The following VTI1A variants were observed in gnomAD, a reference collection of about 807,000 sequenced individuals.
VTI1A encodes the protein vesicle transport through interaction with t-SNAREs homolog 1A.
Under a neutral mutation model 34.9 loss-of-function variants are expected in VTI1A, and 22 were observed. That is an observed-to-expected ratio of 0.63 (90% CI 0.45 to 0.90). VTI1A has a LOEUF of 0.90. VTI1A is among the 40% of genes least tolerant of loss of function. The pLI is 0.00. For missense variants in VTI1A, 268 were observed against 275.6 expected (o/e 0.97, Z 0.20); for synonymous variants, 87 against 97.3 (o/e 0.89, Z 0.62).
At chr10:112,466,347 G>A (rs112974383) in intron 3 of VTI1A, among the ~76,000 whole-genome samples, 9 of 152,176 alleles carry the variant, frequency 5.9e-5, no homozygotes, top group African/African-American at 2.2e-4. Context: ...TATGTGAATG[G>A]CTACTATCTT....
the VTI1A span, chr10:112,827,615 T>A: frequency 1.3e-5 from 2 of 152,226 alleles, no homozygotes; most frequent in Non-Finnish European, 2.9e-5. Context: ...TTTCATGAGA[T>A]TTCTTGGAAA....
At chr10:112,515,125 T>G (rs1465108306) in intron 3 of VTI1A, among the ~76,000 whole-genome samples, 2 of 152,064 alleles carry the variant, frequency 1.3e-5, no homozygotes, top group Non-Finnish European at 2.9e-5. Flanking sequence ...CCTTACTTAT[T>G]TTCTGTTTCA....
intron 3 of VTI1A, 150 bp from the exon 4 acceptor site, chr10:112,526,937 C>G: frequency 1.7e-6 from 1 of 593,506 alleles, no homozygotes; most frequent in Non-Finnish European, 2.9e-6. Flanking sequence ...AGTTCAGGAA[C>G]TTTACACAAC....
In VTI1A at chr10:112,657,829, G is replaced by GTA. The variant is rs1464009561; in HGVS notation, c.428-10381_428-10380dup. 1.2e-3 allele frequency among the ~76,000 whole-genome samples: 185 copies of GTA among 152,044 alleles called. 1 individual carries two copies. Among genetic ancestry groups the GTA allele is most frequent in the African/African-American group, 4.1e-3 (168 of 41,436 alleles). ...TGTGTGTGTGTGTGTGTTTGTGTGT[G>GTA]TATATATATGCCTTAAAACAGAACA... On this transcript the variant is annotated intron_variant, in intron 5 of 7. Coordinates refer to ENST00000393077, the MANE Select transcript of VTI1A (RefSeq NM_145206.4).
rs780886012 is a variant in VTI1A at position 112,668,933 on chromosome 10, G to A, written c.499-4G>A. 3.7e-6 allele frequency: 6 copies of A among 1,611,964 alleles called. 1 individual carries two copies. The South Asian group carries it at 4.4e-5, about 12-fold the overall frequency. Reference sequence around the variant, plus strand: ...CTTCTGTTTTGTTTTGTTTCTTCTTGTAGCTTCGGGAAACAGATGCTAATT... The same window carrying A: ...CTTCTGTTTTGTTTTGTTTCTTCTTATAGCTTCGGGAAACAGATGCTAATT... On this transcript the variant is annotated splice_polypyrimidine_tract_variant and splice_region_variant and intron_variant, in intron 6 of 7. Coordinates refer to ENST00000393077, the MANE Select transcript of VTI1A (RefSeq NM_145206.4).
intron 7 of VTI1A, among the ~76,000 whole-genome samples, chr10:112,814,967 C>A (rs1425781285): frequency 6.6e-6 from 1 of 151,822 alleles, no homozygotes; most frequent in Admixed American, 6.6e-5. Flanking sequence ...GCAAGGGGCC[C>A]TTGATCACTT....
chr10:112,751,486 A>AG (rs1851105374), intron 7 of VTI1A, among the ~76,000 whole-genome samples: 1 of 151,684 alleles, frequency 6.6e-6, no homozygotes, highest in Non-Finnish European at 1.5e-5. Context: ...AAAAAAAAAA[A>AG]AAAAAAAAAA....
intron 7 of VTI1A, among the ~76,000 whole-genome samples, chr10:112,789,330 T>TC (rs910302762): frequency 2.0e-5 from 3 of 152,180 alleles, no homozygotes; most frequent in African/African-American, 7.2e-5. Flanking sequence ...GGTTGATAAG[T>TC]CCCCCACCTC....
intron 5 of VTI1A, among the ~76,000 whole-genome samples, chr10:112,619,824 T>C (rs1449049689): frequency 6.6e-6 from 1 of 152,048 alleles, no homozygotes; most frequent in African/African-American, 2.4e-5. Context: ...CAAGTACATA[T>C]GTAGTGGGAT....
intron 4 of VTI1A, among the ~76,000 whole-genome samples, chr10:112,531,601 TG>T (rs1249679050): frequency 6.6e-6 from 1 of 152,212 alleles, no homozygotes; most frequent in East Asian, 1.9e-4. Context: ...GAACGTTTTT[TG>T]TTTGGAACCT....
intron 5 of VTI1A, among the ~76,000 whole-genome samples, chr10:112,587,914 G>T (rs992720445): frequency 9.0e-5 from 13 of 144,034 alleles, no homozygotes; most frequent in South Asian, 4.4e-4. Context: ...AAGAGAAGTG[G>T]TTTTTTTTTT....
At chr10:112,801,633 T>G (rs1383473264) in intron 7 of VTI1A, among the ~76,000 whole-genome samples, 1 of 152,182 alleles carries the variant, frequency 6.6e-6, no homozygotes, top group Non-Finnish European at 1.5e-5. Flanking sequence ...CTATAGTGTA[T>G]CCCCTCACCC....
At chr10:112,502,159 C>G (rs953688991) in intron 3 of VTI1A, among the ~76,000 whole-genome samples, 6 of 151,382 alleles carry the variant, frequency 4.0e-5, no homozygotes, top group Non-Finnish European at 5.9e-5. Flanking sequence ...TTTTGAGTAG[C>G]TGGGACCACA....
intron 5 of VTI1A, among the ~76,000 whole-genome samples, chr10:112,550,051 A>T (rs970332246): frequency 6.6e-6 from 1 of 152,202 alleles, no homozygotes; most frequent in Non-Finnish European, 1.5e-5. Flanking sequence ...AAGTGAATTC[A>T]TAGGGTTCAT....
At chr10:112,454,290 GA>G (rs2134018804) in intron 1 of VTI1A, among the ~76,000 whole-genome samples, 1 of 152,288 alleles carries the variant, frequency 6.6e-6, no homozygotes, top group Admixed American at 6.5e-5. Context: ...TAAATATCAA[GA>G]ATTATACTAT....
chr10:112,743,659 G>A (rs1379133629), intron 7 of VTI1A, among the ~76,000 whole-genome samples: 1 of 152,140 alleles, frequency 6.6e-6, no homozygotes, highest in Non-Finnish European at 1.5e-5. Flanking sequence ...CTGAGGTTTG[G>A]ATTTAAACTC....
intron 7 of VTI1A, among the ~76,000 whole-genome samples, chr10:112,731,289 T>TA (rs1378432538): frequency 1.2e-4 from 18 of 152,188 alleles, no homozygotes; most frequent in Non-Finnish European, 2.5e-4. Context: ...ATAAACTCCA[T>TA]AAGGCCAGGC....
At chr10:112,691,262 A>AAAATAAATAAATAAAT (rs67534865) in intron 7 of VTI1A, among the ~76,000 whole-genome samples, 27 of 140,282 alleles carry the variant, frequency 1.9e-4, no homozygotes, top group East Asian at 6.4e-4. Flanking sequence ...CTCTGCCTCA[A>AAAATAAATAAATAAAT]AAATAAATAA....
intron 7 of VTI1A, among the ~76,000 whole-genome samples, chr10:112,777,421 A>G (rs1851984587): frequency 6.6e-6 from 1 of 152,206 alleles, no homozygotes; most frequent in African/African-American, 2.4e-5. Flanking sequence ...CCATCTCTTC[A>G]GGTGGGAGGA....
Sources: allele counts gnomAD v4.1 joint callset (sites outside exome capture counted in the v4.1 genomes callset), GRCh38; gene constraint gnomAD v4.1.1; transcripts MANE v1.5; gene names NCBI Gene and HGNC (gene_info 2026-07-23, HGNC 2026-07-21).